The following PRAG1 variants were observed in gnomAD, a reference collection of about 807,000 sequenced individuals.
PRAG1 encodes PEAK1 related, kinase-activating pseudokinase 1, also known as inactive tyrosine-protein kinase PRAG1.
PRAG1 carries 110 observed loss-of-function variants against 95.6 expected under a neutral mutation model. That is an observed-to-expected ratio of 1.15 (90% CI 0.99 to 1.35). The LOEUF is 1.35. Among genes scored for constraint, PRAG1 ranks in the 40% most tolerant of loss-of-function variants. The pLI, the probability that PRAG1 is intolerant of heterozygous loss-of-function variation, is 0.00. For synonymous variants in PRAG1, 1,052 were observed against 819.4 expected (o/e 1.28, Z -4.85); for missense variants, 2,554 against 1,864.7 (o/e 1.37, Z -6.81).
chr8:8,359,853 T>C (rs980921766), intron 3 of PRAG1, among the ~76,000 whole-genome samples: 1 of 152,216 alleles, frequency 6.6e-6, no homozygotes, highest in Non-Finnish European at 1.5e-5. Flanking sequence ...ACCTAATTTA[T>C]CATTAAATCC....
chr8:8,324,627 T>C lies in PRAG1; in HGVS notation c.3072+3083A>G, dbSNP rs575356503. On this transcript the variant is annotated intron_variant, in intron 5 of 5. Coordinates refer to ENST00000615670, the MANE Select transcript of PRAG1 (RefSeq NM_001080826.3). ...TCAGGGGGCCCTGCACTCGGATTTT[T>C]AGCTCTAGAACTTTACATAGACTCT... Among the ~76,000 whole-genome samples, 7 of 152,312 alleles carry C rather than the reference T, an allele frequency of 4.6e-5. No homozygotes were observed. The East Asian group carries it at 1.4e-3, about 29-fold the overall frequency.
At chr8:8,329,018 A>G (rs1387937739) in intron 4 of PRAG1, among the ~76,000 whole-genome samples, 1 of 152,230 alleles carries the variant, frequency 6.6e-6, no homozygotes, top group Non-Finnish European at 1.5e-5. Context: ...TGCAACAGCA[A>G]TAACAAACTC....
At chr8:8,331,485 T>C (rs1798815796) in intron 4 of PRAG1, among the ~76,000 whole-genome samples, 1 of 152,218 alleles carries the variant, frequency 6.6e-6, no homozygotes, top group Admixed American at 6.5e-5. Context: ...CTCTCCATTT[T>C]CAACCTCTCT....
chr8:8,364,784 T>A (rs542566364), intron 3 of PRAG1, among the ~76,000 whole-genome samples: 2 of 152,146 alleles, frequency 1.3e-5, no homozygotes, highest in Admixed American at 1.3e-4. Flanking sequence ...GTCTTCAATA[T>A]TTAGCGATCA....
At chr8:8,358,338 C>G in intron 3 of PRAG1, among the ~76,000 whole-genome samples, 1 of 152,200 alleles carries the variant, frequency 6.6e-6, no homozygotes, top group East Asian at 1.9e-4. Context: ...TATTCAGAAA[C>G]TCTCTGAACT....
intron 3 of PRAG1, among the ~76,000 whole-genome samples, chr8:8,349,353 T>G (rs1799446363): frequency 6.6e-6 from 1 of 152,106 alleles, no homozygotes; most frequent in Admixed American, 6.5e-5. Flanking sequence ...TCATCTCGCC[T>G]CACTGCAAGA....
At position 8,319,292 on chromosome 8, in the gene PRAG1, G is replaced by A; in HGVS notation, c.3083C>T (p.Ala1028Val). 1 of 1,513,674 alleles carries A rather than the reference G, an allele frequency of 6.6e-7. No homozygotes were observed. Among genetic ancestry groups the A allele is most frequent in the Non-Finnish European group, 8.9e-7 (1 of 1,127,634 alleles). The allele number at this position is 1,513,674 out of a possible 1,614,324, so 93.8% of individuals were successfully genotyped here. ...GSTYAVKICK[A>V]PEPKTVSYCS... Reference sequence around the variant, plus strand: ...GTAGGAGACTGTTTTGGGCTCAGGGGCTTTGCAGATCTGTGGAGAGAAGAA... The same window carrying A: ...GTAGGAGACTGTTTTGGGCTCAGGGACTTTGCAGATCTGTGGAGAGAAGAA... The change falls in exon 6 of 6, where the codon GCC becomes GTC. Residue 1028 changes from alanine (A) to valine (V), a missense_variant. Coordinates refer to ENST00000615670, the MANE Select transcript of PRAG1 (RefSeq NM_001080826.3).
chr8:8,351,877 C>T (rs543618494), intron 3 of PRAG1, among the ~76,000 whole-genome samples: 7 of 152,214 alleles, frequency 4.6e-5, no homozygotes, highest in East Asian at 1.9e-4. Flanking sequence ...ACACATCTAC[C>T]TCTGGTGTTT....
chr8:8,382,383 G>C (rs1800708668), intron 1 of PRAG1, among the ~76,000 whole-genome samples: 1 of 152,226 alleles, frequency 6.6e-6, no homozygotes, highest in Admixed American at 6.5e-5. Flanking sequence ...GGTGGAGAAA[G>C]GAATGGTTGG....
Position 8,375,427 on chromosome 8 carries a change from C to A in PRAG1, c.2162+820G>T, listed in dbSNP as rs183459660. ...CTGTGTTAGCCAGGATGGTCTCGAT[C>A]TCCTGATCGTGATCCGCCCGCCTCG... On this transcript the variant is annotated intron_variant, in intron 3 of 5. Transcript: ENST00000615670. Among the ~76,000 whole-genome samples the A allele has an allele frequency of 8.0e-3, 1,223 of 152,194 alleles. 14 individuals carry two copies. The highest frequency in any genetic ancestry group is 0.028 in the African/African-American group (1,165 of 41,528).
rs574074913 is a variant in PRAG1 at position 8,360,819 on chromosome 8, C to G, written c.2162+15428G>C. Among the ~76,000 whole-genome samples, 4 of 152,216 alleles carry G rather than the reference C, an allele frequency of 2.6e-5. No homozygotes were observed. In the East Asian group the frequency reaches 7.7e-4, roughly 29 times the overall value. ...TTCAGGGTGCTGATTGCTGAATCCC[C>G]TTGATTATTATTTCCCTTAAATCTT... is the stretch of plus-strand genomic sequence containing the variant. On this transcript the variant is annotated intron_variant, in intron 3 of 5. Coordinates refer to ENST00000615670, the MANE Select transcript of PRAG1 (RefSeq NM_001080826.3).
At chr8:8,365,444 G>GT (rs1457030865) in intron 3 of PRAG1, among the ~76,000 whole-genome samples, 1 of 150,390 alleles carries the variant, frequency 6.6e-6, no homozygotes, top group Non-Finnish European at 1.5e-5. Flanking sequence ...CCGACATGGA[G>GT]AAACCCCGTC....
chr8:8,323,034 A>C (rs1360256945), intron 5 of PRAG1, among the ~76,000 whole-genome samples: 5 of 152,190 alleles, frequency 3.3e-5, no homozygotes, highest in Non-Finnish European at 5.9e-5. Context: ...TTTCATTAAC[A>C]AACAAAAAGC....
rs1585209959 is a variant in PRAG1, at chr8:8,318,002, T to C, written c.*152A>G. The C allele has an allele frequency of 5.6e-6, 3 of 533,976 alleles. No homozygotes were observed. The East Asian group carries it at 1.0e-4, about 19-fold the overall frequency. 33.1% of individuals were successfully genotyped at this position (533,976 alleles called of 1,614,324 possible). A position where few individuals can be genotyped will look rare whatever the true frequency, so the allele number is the denominator to read the frequency against. ...CTTAGTCTTTCATATTTATATATGG[T>C]ATATGTATTTTCTATATATATATTT... On this transcript the variant is annotated 3_prime_UTR_variant, in exon 6 of 6. Coordinates refer to ENST00000615670, the MANE Select transcript of PRAG1 (RefSeq NM_001080826.3). This position sits in a 1 kb window ranked among gnomAD's most constrained non-coding sequence, Gnocchi z 4.2.
intron 3 of PRAG1, among the ~76,000 whole-genome samples, chr8:8,340,129 G>T (rs549497061): frequency 2.1e-4 from 32 of 152,170 alleles, no homozygotes; most frequent in Admixed American, 6.5e-4. Context: ...GCTTCAAAGG[G>T]TCTAGATTGT....
intron 4 of PRAG1, among the ~76,000 whole-genome samples, chr8:8,336,856 GT>G (rs1386238729): frequency 6.6e-6 from 1 of 151,156 alleles, no homozygotes; most frequent in African/African-American, 2.4e-5. Flanking sequence ...TTCTATTAGG[GT>G]TTTCCTTATA....
intron 1 of PRAG1, 102 bp from the exon 2 acceptor site, chr8:8,381,936 A>C (rs1665996973): frequency 1.9e-6 from 1 of 540,508 alleles, no homozygotes; most frequent in African/African-American, 1.9e-5. Flanking sequence ...AAGGAGGAGA[A>C]AAAGGTAAAG....
intron 3 of PRAG1, among the ~76,000 whole-genome samples, chr8:8,365,493 A>G (rs369198933): frequency 1.3e-5 from 2 of 152,074 alleles, no homozygotes; most frequent in African/African-American, 4.8e-5. Context: ...GCATGGTGGC[A>G]GGTGCCTGTA....
intron 3 of PRAG1, among the ~76,000 whole-genome samples, chr8:8,340,782 G>A (rs529967328): frequency 7.2e-5 from 11 of 152,140 alleles, no homozygotes; most frequent in South Asian, 2.1e-4. Context: ...TTGAAAACAC[G>A]TCCCTCTCCC....
Sources: gnomAD v4.1 joint callset for allele counts (sites outside exome capture counted in the v4.1 genomes callset) on GRCh38, gnomAD v4.1.1 for gene constraint, Gnocchi (gnomAD v3.1) non-coding constraint, MANE v1.5 for transcripts, NCBI Gene and HGNC (gene_info 2026-07-23, HGNC 2026-07-21) for gene names.